Variants in RTN4RL1 observed in about 807,000 individuals in gnomAD.
RTN4RL1 encodes the protein reticulon-4 receptor-like 1.
A neutral mutation model predicts 25.6 loss-of-function variants in RTN4RL1; 7 were observed. The observed-to-expected ratio is 0.27, with a 90% CI of 0.16 to 0.51. The LOEUF is 0.51. Ranked by LOEUF, RTN4RL1 falls within the 20% of genes least tolerant of loss-of-function variation. The pLI is 0.97. For synonymous variants in RTN4RL1, 297 were observed against 288.2 expected, an observed-to-expected ratio of 1.03 and a Z score of -0.31; for missense variants, 500 against 615.6, an observed-to-expected ratio of 0.81 and a Z score of 1.99.
chr17:1,992,256 TG>T (rs899841886), intron 1 of RTN4RL1, among the ~76,000 whole-genome samples: 3 of 141,540 alleles, frequency 2.1e-5, no homozygotes, highest in Non-Finnish European at 3.0e-5. Context: ...CCCAGCTACT[TG>T]GGGGGGCAGG....
chr17:1,995,131 T>TG (rs1175407944), intron 1 of RTN4RL1, among the ~76,000 whole-genome samples: 1 of 151,948 alleles, frequency 6.6e-6, no homozygotes, highest in East Asian at 1.9e-4. Flanking sequence ...AAGGTAGGCA[T>TG]GGGGCCGAGT....
intron 1 of RTN4RL1, chr17:2,017,833 T>C (rs573175448): frequency 6.6e-6 from 1 of 152,444 alleles, no homozygotes; most frequent in African/African-American, 2.4e-5. Context: ...GGTTAGACAG[T>C]GATCACAGGT....
intron 1 of RTN4RL1, among the ~76,000 whole-genome samples, chr17:1,978,890 G>T (rs745363205): frequency 4.6e-5 from 7 of 152,208 alleles, no homozygotes; most frequent in Non-Finnish European, 8.8e-5. Context: ...CCCAGAGAAG[G>T]GTGGAGGGCC....
At chr17:2,018,062 C>T (rs1240671222) in intron 1 of RTN4RL1, 2 of 152,540 alleles carry the variant, frequency 1.3e-5, no homozygotes, top group Non-Finnish European at 2.9e-5. Context: ...CAGCTGCCAT[C>T]CTGCCTGGCA....
At chr17:2,005,997 C>A (rs926981587) in intron 1 of RTN4RL1, among the ~76,000 whole-genome samples, 3 of 151,832 alleles carry the variant, frequency 2.0e-5, no homozygotes, top group Non-Finnish European at 4.4e-5. Flanking sequence ...CGGGATTTCA[C>A]TGGATTAGCC....
intron 1 of RTN4RL1, among the ~76,000 whole-genome samples, chr17:1,950,542 G>A (rs1364169220): frequency 2.6e-5 from 4 of 152,000 alleles, no homozygotes; most frequent in Admixed American, 6.6e-5. Flanking sequence ...GGCACAGAGC[G>A]GGCGTGTAAA....
intron 1 of RTN4RL1, among the ~76,000 whole-genome samples, chr17:1,955,274 G>A (rs1196646536): frequency 6.6e-6 from 1 of 152,090 alleles, no homozygotes; most frequent in Non-Finnish European, 1.5e-5. Context: ...TACTTGCCAG[G>A]GCTGGGTGAG....
intron 1 of RTN4RL1, among the ~76,000 whole-genome samples, chr17:1,985,878 C>A (rs1411586276): frequency 6.6e-6 from 1 of 152,124 alleles, no homozygotes; most frequent in African/African-American, 2.4e-5. Context: ...GGTTCCCAGG[C>A]CGGCCTCCAG....
chr17:2,000,925 G>A (rs73292165), intron 1 of RTN4RL1, among the ~76,000 whole-genome samples: 1,660 of 152,286 alleles, frequency 0.011, 28 homozygotes, highest in African/African-American at 0.038. Flanking sequence ...TGGGAATACT[G>A]CATGGAAACA....
At chr17:1,986,466 T>C (rs964579976) in intron 1 of RTN4RL1, among the ~76,000 whole-genome samples, 1 of 152,106 alleles carries the variant, frequency 6.6e-6, no homozygotes, top group Non-Finnish European at 1.5e-5. Context: ...GTTAAAGATC[T>C]TGAGATAAGA....
chr17:1,960,197 A>T (rs924095876), intron 1 of RTN4RL1, among the ~76,000 whole-genome samples: 2 of 47,842 alleles, frequency 4.2e-5, no homozygotes, highest in Non-Finnish European at 9.3e-5. Flanking sequence ...CACCACCCCC[A>T]CCCTACCCTG....
chr17:1,989,526 G>A (rs1292440753), intron 1 of RTN4RL1, among the ~76,000 whole-genome samples: 1 of 151,996 alleles, frequency 6.6e-6, no homozygotes, highest in African/African-American at 2.4e-5. Context: ...GCATCACACT[G>A]GCTGAGAACA....
At position 1,979,165 on chromosome 17, in the gene RTN4RL1, C is replaced by T. The variant is rs1267079120; in HGVS notation, c.14-41357G>A. 6.6e-5 allele frequency among the ~76,000 whole-genome samples: 10 copies of T among 152,210 alleles called. 1 individual carries two copies. Among genetic ancestry groups the T allele is most frequent in the Admixed American group, 6.5e-4 (10 of 15,284 alleles). On this transcript the variant is annotated intron_variant, in intron 1 of 1. Transcript: ENST00000331238. ...GCACGCACCTGTAATCCCAGTTATT[C>T]AGGAGGCTGAGGCAGGAGAATTGCT... is the stretch of plus-strand genomic sequence containing the variant.
At chr17:1,951,604 C>G (rs895998709) in intron 1 of RTN4RL1, among the ~76,000 whole-genome samples, 1 of 152,078 alleles carries the variant, frequency 6.6e-6, no homozygotes, top group African/African-American at 2.4e-5. Context: ...GCACACGCCA[C>G]CACACCTGGC....
rs58785478 is a variant in RTN4RL1, at chr17:1,935,711, GTATATATATA to G, written c.*775_*784del. ...AGTGGGAGGGGGACTGTGCATTTGT[GTATATATATA>G]TATATATATATATATATATATATAT... On this transcript the variant is annotated 3_prime_UTR_variant, in exon 2 of 2. Coordinates refer to ENST00000331238, the MANE Select transcript of RTN4RL1 (RefSeq NM_178568.4). The G allele has an allele frequency of 0.045, 7,113 of 159,618 alleles. 721 individuals are homozygous for G. Among genetic ancestry groups the G allele is most frequent in the African/African-American group, 0.058 (1,215 of 21,020 alleles). 9.9% of individuals were successfully genotyped at this position (159,618 alleles called of 1,614,324 possible). A position where few individuals can be genotyped will look rare whatever the true frequency, so the allele number is the denominator to read the frequency against.
At chr17:2,019,740 G>T (rs1428007758) in intron 1 of RTN4RL1, 10 of 152,268 alleles carry the variant, frequency 6.6e-5, no homozygotes, top group Admixed American at 2.0e-4. Context: ...AAACTCTGAA[G>T]TTCACTCCTA....
intron 1 of RTN4RL1, among the ~76,000 whole-genome samples, chr17:1,945,228 GT>G (rs1485948470): frequency 6.6e-6 from 1 of 152,086 alleles, no homozygotes; most frequent in Non-Finnish European, 1.5e-5. Flanking sequence ...TGGTGGTTTT[GT>G]TTTTTGTTTT....
intron 1 of RTN4RL1, among the ~76,000 whole-genome samples, chr17:1,984,719 C>G (rs865910274): frequency 1.3e-5 from 2 of 152,366 alleles, no homozygotes; most frequent in Middle Eastern, 3.4e-3. Flanking sequence ...GTAATCCCAG[C>G]ACTTCGGGAG....
chr17:1,959,627 C>T (rs1262195271), intron 1 of RTN4RL1, among the ~76,000 whole-genome samples: 2 of 152,118 alleles, frequency 1.3e-5, no homozygotes, highest in Non-Finnish European at 2.9e-5. Context: ...TGTAGTAGCA[C>T]GATCTCGGCT....
Sources: gnomAD v4.1 joint callset for allele counts (sites outside exome capture counted in the v4.1 genomes callset) on GRCh38, gnomAD v4.1.1 for gene constraint, MANE v1.5 for transcripts, NCBI Gene and HGNC (gene_info 2026-07-23, HGNC 2026-07-21) for gene names.